Variants in FAM171A1 observed in about 807,000 individuals in gnomAD.
The protein encoded by FAM171A1 is protein FAM171A1.
A neutral mutation model predicts 74.9 loss-of-function variants in FAM171A1; 23 were observed. That is an observed-to-expected ratio of 0.31 (90% confidence interval 0.22 to 0.44). The LOEUF (loss-of-function observed/expected upper bound fraction) is 0.44. Ranked by LOEUF, FAM171A1 falls within the 20% of genes least tolerant of loss-of-function variation. The pLI is 1.00. For missense variants in FAM171A1, 1,162 were observed against 1,159.2 expected (o/e 1.00, Z -0.03); for synonymous variants, 527 against 505.7 (o/e 1.04, Z -0.57).
chr10:15,359,268 A>G (rs925931302), intron 1 of FAM171A1, among the ~76,000 whole-genome samples: 1 of 152,034 alleles, frequency 6.6e-6, no homozygotes, highest in Non-Finnish European at 1.5e-5. Context: ...AACAAACTTC[A>G]CTCCTGGGGT....
intron 1 of FAM171A1, among the ~76,000 whole-genome samples, chr10:15,348,165 G>T (rs1454865404): frequency 1.3e-5 from 2 of 152,002 alleles, no homozygotes; most frequent in African/African-American, 4.8e-5. Context: ...TTTTAGTAGA[G>T]ATGGGGTTTC....
chr10:15,217,466 A>G (rs1344723638), intron 6 of FAM171A1, among the ~76,000 whole-genome samples: 3 of 152,216 alleles, frequency 2.0e-5, no homozygotes, highest in Non-Finnish European at 2.9e-5. Context: ...TAAGACCTAG[A>G]TAAACCCAAG....
intron 6 of FAM171A1, among the ~76,000 whole-genome samples, chr10:15,218,361 G>C (rs2131708133): frequency 6.6e-6 from 1 of 152,232 alleles, no homozygotes; most frequent in South Asian, 2.1e-4. Flanking sequence ...TTACAGGCAT[G>C]AACCACCGTG....
chr10:15,253,138 G>C (rs565492961), intron 4 of FAM171A1, among the ~76,000 whole-genome samples: 1 of 152,112 alleles, frequency 6.6e-6, no homozygotes, highest in Non-Finnish European at 1.5e-5. Context: ...TGAGTAGCTA[G>C]AACTACAGGC....
intron 1 of FAM171A1, among the ~76,000 whole-genome samples, chr10:15,321,930 G>C (rs1056139794): frequency 4.6e-5 from 7 of 152,206 alleles, no homozygotes; most frequent in Non-Finnish European, 8.8e-5. Flanking sequence ...TCATGTAGTT[G>C]AGAAACAAAT....
chr10:15,214,044 A>G lies in FAM171A1; in HGVS notation c.1544T>C (p.Ile515Thr), dbSNP rs978903666. 1.2e-6 allele frequency: 2 copies of G among 1,614,140 alleles called. No homozygotes were observed. Among genetic ancestry groups the G allele is most frequent in the East Asian group, 4.5e-5 (2 of 44,864 alleles). Reference sequence around the variant, plus strand: ...AGGCGCGGGGTACAGATGTTCCTGAATGGTGAGTTTGCTTCCCGTGGAGGC... The same window carrying G: ...AGGCGCGGGGTACAGATGTTCCTGAGTGGTGAGTTTGCTTCCCGTGGAGGC... ...GPASTGSKLT[I>T]QEHLYPAPSS... is the part of the protein sequence containing the mutation. The change falls in exon 8 of 8, where the codon ATT (isoleucine) becomes ACT (threonine). Residue 515 changes from isoleucine (I) to threonine (T), a missense_variant. Coordinates refer to ENST00000378116, the MANE Select transcript of FAM171A1 (RefSeq NM_001010924.2).
chr10:15,224,624 A>G (rs2131719938), intron 5 of FAM171A1, among the ~76,000 whole-genome samples: 1 of 152,212 alleles, frequency 6.6e-6, no homozygotes, highest in East Asian at 1.9e-4. Context: ...GATAGTGAAT[A>G]AGTCTCAGGA....
chr10:15,313,728 G>A (rs1403022325), intron 1 of FAM171A1, among the ~76,000 whole-genome samples: 1 of 152,172 alleles, frequency 6.6e-6, no homozygotes. Context: ...AAGGAAAACA[G>A]CTTCCCACGG....
chr10:15,366,099 G>A (rs1836057926), intron 1 of FAM171A1, among the ~76,000 whole-genome samples: 1 of 152,062 alleles, frequency 6.6e-6, no homozygotes, highest in South Asian at 2.1e-4. Context: ...CAATTCTTTG[G>A]TCGAGTACTG....
chr10:15,364,246 G>A (rs891571926), intron 1 of FAM171A1, among the ~76,000 whole-genome samples: 1 of 152,138 alleles, frequency 6.6e-6, no homozygotes, highest in Non-Finnish European at 1.5e-5. Flanking sequence ...TGTTCTCCCT[G>A]CAGGTGTGAA....
intron 1 of FAM171A1, among the ~76,000 whole-genome samples, chr10:15,362,787 G>A (rs1040390169): frequency 2.0e-5 from 3 of 152,170 alleles, no homozygotes; most frequent in South Asian, 2.1e-4. Context: ...TTAGTCATAC[G>A]AGAGTTAGTG....
intron 1 of FAM171A1, among the ~76,000 whole-genome samples, chr10:15,313,817 G>T (rs1033213250): frequency 2.6e-5 from 4 of 152,212 alleles, no homozygotes; most frequent in Non-Finnish European, 5.9e-5. Flanking sequence ...ACTGCTTTAA[G>T]GTTTGCAAGA....
intron 1 of FAM171A1, among the ~76,000 whole-genome samples, chr10:15,333,587 G>C (rs1835666816): frequency 6.6e-6 from 1 of 152,160 alleles, no homozygotes; most frequent in Admixed American, 6.5e-5. Flanking sequence ...CCAGCACTTT[G>C]GGAGGCTGAG....
intron 5 of FAM171A1, among the ~76,000 whole-genome samples, chr10:15,242,119 A>G (rs1021345160): frequency 2.0e-5 from 3 of 152,248 alleles, no homozygotes; most frequent in Admixed American, 6.5e-5. Context: ...TACTGTAATC[A>G]TAAATAGCAG....
At chr10:15,288,439 C>G (rs1564633767) in intron 1 of FAM171A1, among the ~76,000 whole-genome samples, 1 of 152,044 alleles carries the variant, frequency 6.6e-6, no homozygotes, top group African/African-American at 2.4e-5. Flanking sequence ...AGTGTGTAGT[C>G]TTTACCTAAG....
intron 3 of FAM171A1, among the ~76,000 whole-genome samples, chr10:15,271,837 GA>G (rs1448600129): frequency 6.6e-6 from 1 of 152,178 alleles, no homozygotes; most frequent in African/African-American, 2.4e-5. Flanking sequence ...CAAATGCTGA[GA>G]GATTTTGTCA....
Position 15,332,788 on chromosome 10 carries a change from G to A in FAM171A1, c.97+38168C>T, listed in dbSNP as rs77781894. On this transcript the variant is annotated intron_variant, in intron 1 of 7. Coordinates refer to ENST00000378116, the MANE Select transcript of FAM171A1 (RefSeq NM_001010924.2). ...CTCTTCCAGAATTGAACTGAGAAAT[G>A]GGTATTCTATGAGGAAAGCATTTCA... is the stretch of plus-strand genomic sequence containing the variant. Among the ~76,000 whole-genome samples the A allele has an allele frequency of 2.6e-4, 40 of 152,278 alleles. No homozygotes were observed. In the East Asian group the frequency reaches 7.5e-3, roughly 29 times the overall value.
chr10:15,372,472 A>T (rs1392538299), upstream of FAM171A1, among the ~76,000 whole-genome samples: 1 of 152,078 alleles, frequency 6.6e-6, no homozygotes, highest in Non-Finnish European at 1.5e-5. Context: ...AGGTAGGTGG[A>T]TGGCCTGAGT....
At position 15,288,011 on chromosome 10, in the gene FAM171A1, C is replaced by T. The variant is rs560727349; in HGVS notation, c.98-3906G>A. Among the ~76,000 whole-genome samples, 9 of 152,288 alleles carry T rather than the reference C, an allele frequency of 5.9e-5. No individual in the cohort carries two copies. The South Asian group carries it at 1.2e-3, about 21-fold the overall frequency. On this transcript the variant is annotated intron_variant, in intron 1 of 7. Transcript: ENST00000378116. ...GCTCCCACTCAGGAGTGAGAACAAA[C>T]GATGTTTGGTTTTCCATTCCTGAGT...
Sources: gnomAD v4.1 joint callset for allele counts (sites outside exome capture counted in the v4.1 genomes callset) on GRCh38, gnomAD v4.1.1 for gene constraint, MANE v1.5 for transcripts, NCBI Gene and HGNC (gene_info 2026-07-23, HGNC 2026-07-21) for gene names.